The following CA10 variants were observed in gnomAD, a reference collection of about 807,000 sequenced individuals.
CA10 encodes the protein carbonic anhydrase 10 (inactive), also known as carbonic anhydrase-related protein 10.
Under a neutral mutation model 44.2 loss-of-function variants are expected in CA10, and 14 were observed. The observed-to-expected ratio is 0.32, with a 90% CI of 0.21 to 0.50. CA10 has a LOEUF of 0.50. Ranked by LOEUF, CA10 falls within the 20% of genes least tolerant of loss-of-function variation. CA10 has a pLI of 0.99. For missense variants in CA10, 350 were observed against 409.7 expected, an observed-to-expected ratio of 0.85 and a Z score of 1.26; for synonymous variants, 159 against 141.6, an observed-to-expected ratio of 1.12 and a Z score of -0.87.
chr17:52,126,456 G>A (rs8067663), intron 1 of CA10, among the ~76,000 whole-genome samples: 40,007 of 152,048 alleles, frequency 0.26, 10,139 homozygotes, highest in African/African-American at 0.67. Context: ...TGACAGCCTC[G>A]GTCTTCATCT....
chr17:51,669,618 A>G (rs1037072064), intron 4 of CA10, among the ~76,000 whole-genome samples: 2 of 152,216 alleles, frequency 1.3e-5, no homozygotes, highest in African/African-American at 4.8e-5. Flanking sequence ...TCCTGAAGCC[A>G]GCGAGACCAT....
chr17:51,871,524 G>A (rs1979814840), intron 3 of CA10, among the ~76,000 whole-genome samples: 1 of 150,188 alleles, frequency 6.7e-6, no homozygotes, highest in African/African-American at 2.5e-5. Context: ...ACAGATGTGA[G>A]CCATCGCGCC....
chr17:51,997,406 G>A (rs1485468660), intron 2 of CA10, among the ~76,000 whole-genome samples: 1 of 151,984 alleles, frequency 6.6e-6, no homozygotes, highest in Non-Finnish European at 1.5e-5. Flanking sequence ...CATGCCAGGT[G>A]ACATAAAAGT....
chr17:51,899,763 T>C (rs1283948921), intron 3 of CA10, among the ~76,000 whole-genome samples: 2 of 152,106 alleles, frequency 1.3e-5, no homozygotes, highest in Admixed American at 6.6e-5. Context: ...AGGTTAGGTC[T>C]TCTTGTTGAA....
chr17:51,744,332 T>C (rs1366590079), intron 4 of CA10, among the ~76,000 whole-genome samples: 1 of 149,804 alleles, frequency 6.7e-6, no homozygotes, highest in Non-Finnish European at 1.5e-5. Flanking sequence ...AAAAAAAAAT[T>C]ATGGATTGTA....
intron 5 of CA10, among the ~76,000 whole-genome samples, chr17:51,651,367 T>C (rs1853564038): frequency 6.6e-6 from 1 of 152,144 alleles, no homozygotes; most frequent in South Asian, 2.1e-4. Context: ...AAATAACTCA[T>C]GGTGGAGTTG....
intron 2 of CA10, among the ~76,000 whole-genome samples, chr17:52,053,402 A>G (rs1011580275): frequency 1.3e-5 from 2 of 152,148 alleles, no homozygotes; most frequent in Non-Finnish European, 2.9e-5. Flanking sequence ...AAAGAAAGGT[A>G]ACATAAAAAA....
chr17:51,776,513 T>C (rs1905826076), intron 3 of CA10, among the ~76,000 whole-genome samples: 1 of 152,154 alleles, frequency 6.6e-6, no homozygotes, highest in South Asian at 2.1e-4. Context: ...GTAGTCAAAA[T>C]AAAAATTATT....
intron 3 of CA10, among the ~76,000 whole-genome samples, chr17:51,866,677 A>G (rs1249652233): frequency 5.3e-5 from 8 of 152,186 alleles, no homozygotes; most frequent in Admixed American, 2.0e-4. Flanking sequence ...TTTGGAGGTG[A>G]CAGGGCTTCC....
chr17:52,045,380 A>G (rs1986884227), intron 2 of CA10, among the ~76,000 whole-genome samples: 1 of 152,082 alleles, frequency 6.6e-6, no homozygotes, highest in South Asian at 2.1e-4. Flanking sequence ...TACACAAGGG[A>G]ATAAACATAA....
At chr17:51,781,517 G>A (rs1363141057) in intron 3 of CA10, among the ~76,000 whole-genome samples, 1 of 152,130 alleles carries the variant, frequency 6.6e-6, no homozygotes, top group East Asian at 1.9e-4. Context: ...AGATCAAATG[G>A]CCTCTTATTA....
chr17:52,155,940 C>A (rs1989795007), intron 1 of CA10, among the ~76,000 whole-genome samples: 1 of 152,166 alleles, frequency 6.6e-6, no homozygotes, highest in African/African-American at 2.4e-5. Flanking sequence ...AGGTATCCCA[C>A]TAATGCTTTT....
Position 52,148,683 on chromosome 17 carries a change from T to C in CA10, c.61+9043A>G, listed in dbSNP as rs116830921. Among the ~76,000 whole-genome samples the C allele has an allele frequency of 5.2e-3, 787 of 152,274 alleles. 5 individuals carry two copies. The highest frequency in any genetic ancestry group is 0.018 in the African/African-American group (766 of 41,550). On this transcript the variant is annotated intron_variant, in intron 1 of 8. Coordinates refer to ENST00000451037, the MANE Select transcript of CA10 (RefSeq NM_020178.5). ...AAAAGCCACTCTCCATCGCTCCTTA[T>C]TATTCATTTATGTATTAATTCAGTC... is the stretch of plus-strand genomic sequence containing the variant.
intron 4 of CA10, among the ~76,000 whole-genome samples, chr17:51,714,138 A>G (rs1326281244): frequency 6.6e-6 from 1 of 152,146 alleles, no homozygotes; most frequent in Non-Finnish European, 1.5e-5. Context: ...CCAGTTCCTG[A>G]GGCCTCCATA....
At chr17:51,793,841 G>A (rs1906611644) in intron 3 of CA10, among the ~76,000 whole-genome samples, 1 of 152,154 alleles carries the variant, frequency 6.6e-6, no homozygotes, top group South Asian at 2.1e-4. Context: ...TCAGTGTGGG[G>A]TTATCATTTA....
At chr17:51,917,104 A>G (rs1407679304) in intron 3 of CA10, among the ~76,000 whole-genome samples, 1 of 152,156 alleles carries the variant, frequency 6.6e-6, no homozygotes, top group Non-Finnish European at 1.5e-5. Context: ...GTGTGCTGAT[A>G]AATCTCTATC....
chr17:51,928,406 G>C (rs1343426058), intron 3 of CA10, among the ~76,000 whole-genome samples: 2 of 152,080 alleles, frequency 1.3e-5, no homozygotes, highest in African/African-American at 4.8e-5. Flanking sequence ...TTGTACTGAG[G>C]TTGAATTTTA....
At chr17:52,050,756 C>T (rs1199964194) in intron 2 of CA10, among the ~76,000 whole-genome samples, 7 of 152,024 alleles carry the variant, frequency 4.6e-5, no homozygotes. Flanking sequence ...CTTCAGGGCT[C>T]CCTTCAAATG....
chr17:51,901,052 A>G (rs1981291883), intron 3 of CA10, among the ~76,000 whole-genome samples: 1 of 152,116 alleles, frequency 6.6e-6, no homozygotes, highest in Non-Finnish European at 1.5e-5. Context: ...CTGCTGGAGA[A>G]CCAGTGCAGT....
Sources: gnomAD v4.1 joint callset for allele counts (sites outside exome capture counted in the v4.1 genomes callset) on GRCh38, gnomAD v4.1.1 for gene constraint, MANE v1.5 for transcripts, NCBI Gene and HGNC (gene_info 2026-07-23, HGNC 2026-07-21) for gene names.